The following ZNF385D variants were observed in gnomAD, a reference collection of about 807,000 sequenced individuals.
ZNF385D encodes the protein zinc finger protein 659.
In ZNF385D, 15 loss-of-function variants were observed where a neutral mutation model predicts 35.8. The ratio of observed to expected loss-of-function variants is 0.42; its 90% CI spans 0.28 to 0.64. ZNF385D has a LOEUF of 0.64. ZNF385D is among the 30% of genes least tolerant of loss of function. The pLI, the probability that ZNF385D is intolerant of heterozygous loss-of-function variation, is 0.23. For synonymous variants in ZNF385D, 212 were observed against 186.8 expected, an observed-to-expected ratio of 1.13 and a Z score of -1.10; for missense variants, 474 against 494.6, an observed-to-expected ratio of 0.96 and a Z score of 0.39.
intron 2 of ZNF385D, among the ~76,000 whole-genome samples, chr3:21,661,145 T>G (rs1051444618): frequency 4.6e-5 from 7 of 152,180 alleles, no homozygotes; most frequent in Admixed American, 2.6e-4. Context: ...TTCTCTGACC[T>G]GTTTGTCGAA....
At chr3:22,316,830 A>G (rs1703914287) in intron 2 of ZNF385D, among the ~76,000 whole-genome samples, 1 of 152,218 alleles carries the variant, frequency 6.6e-6, no homozygotes, top group African/African-American at 2.4e-5. Flanking sequence ...GTGATACCCC[A>G]AAGACTGGCA....
intron 1 of ZNF385D, among the ~76,000 whole-genome samples, chr3:21,727,758 A>C (rs921474271): frequency 6.6e-6 from 1 of 152,206 alleles, no homozygotes; most frequent in Middle Eastern, 3.2e-3. Context: ...CAGTGTGACA[A>C]TTCCTCAAGG....
chr3:22,372,641 C>G, exon 2 of ZNF385D: 1 of 347,542 alleles, frequency 2.9e-6, no homozygotes. Flanking sequence ...TCGCCGCGAG[C>G]CGTGAGCGGC....
intron 3 of ZNF385D, among the ~76,000 whole-genome samples, chr3:22,141,614 G>C (rs1704507957): frequency 6.6e-6 from 1 of 152,116 alleles, no homozygotes; most frequent in African/African-American, 2.4e-5. Context: ...CTGGCCTGCT[G>C]TTCACCTTGT....
intron 4 of ZNF385D, among the ~76,000 whole-genome samples, chr3:21,462,983 C>T (rs1190765407): frequency 6.6e-6 from 1 of 151,722 alleles, no homozygotes; most frequent in Non-Finnish European, 1.5e-5. Context: ...AACTCTATCT[C>T]AAAAACAAAC....
chr3:22,105,494 G>T (rs570466100), intron 3 of ZNF385D, among the ~76,000 whole-genome samples: 235 of 152,230 alleles, frequency 1.5e-3, no homozygotes, highest in African/African-American at 5.3e-3. Flanking sequence ...CACAATTACG[G>T]AGGCTGAGAA....
intron 3 of ZNF385D, among the ~76,000 whole-genome samples, chr3:21,909,292 C>G (rs975457008): frequency 5.3e-5 from 8 of 152,128 alleles, no homozygotes; most frequent in Non-Finnish European, 1.2e-4. Flanking sequence ...TTCCTCCTGC[C>G]CCTTTTCTCT....
intron 3 of ZNF385D, among the ~76,000 whole-genome samples, chr3:21,901,699 A>G (rs17641808): frequency 0.073 from 11,186 of 152,262 alleles, 444 homozygotes; most frequent in Middle Eastern, 0.085. Context: ...ATTTAGCACC[A>G]AAGCTTACGT....
chr3:21,631,121 C>T (rs13064912), intron 2 of ZNF385D, among the ~76,000 whole-genome samples: 8 of 151,914 alleles, frequency 5.3e-5, no homozygotes, highest in African/African-American at 1.5e-4. Flanking sequence ...TTGTGGGGAA[C>T]GTGAGGTATA....
chr3:21,783,767 G>C (rs909303462), intron 3 of ZNF385D, among the ~76,000 whole-genome samples: 1 of 152,148 alleles, frequency 6.6e-6, no homozygotes, highest in African/African-American at 2.4e-5. Flanking sequence ...AAATAAAATA[G>C]CAGCTTCAGG....
chr3:22,017,156 G>A (rs9816104), intron 3 of ZNF385D, among the ~76,000 whole-genome samples: 1 of 151,824 alleles, frequency 6.6e-6, no homozygotes, highest in South Asian at 2.1e-4. Context: ...ATGGTTATGA[G>A]AGCCTTAAAT....
intron 3 of ZNF385D, among the ~76,000 whole-genome samples, chr3:22,166,136 A>C (rs1420427628): frequency 6.6e-6 from 1 of 152,130 alleles, no homozygotes; most frequent in Non-Finnish European, 1.5e-5. Flanking sequence ...AATATGACCT[A>C]AGATGACCAA....
At chr3:21,788,032 T>C (rs1033439446) in intron 3 of ZNF385D, among the ~76,000 whole-genome samples, 1 of 146,060 alleles carries the variant, frequency 6.8e-6, no homozygotes, top group Non-Finnish European at 1.5e-5. Context: ...GAAATTAATA[T>C]TGTGCCCATT....
intron 2 of ZNF385D, among the ~76,000 whole-genome samples, chr3:21,654,843 T>C (rs1278465557): frequency 2.6e-5 from 4 of 152,064 alleles, no homozygotes; most frequent in Admixed American, 6.6e-5. Context: ...TACCACACTT[T>C]GAGAAGTACT....
intron 3 of ZNF385D, among the ~76,000 whole-genome samples, chr3:22,033,239 T>C (rs1456279563): frequency 1.3e-5 from 2 of 151,650 alleles, no homozygotes; most frequent in Non-Finnish European, 2.9e-5. Context: ...CTGTCTCTAC[T>C]AAAAATACAA....
At position 22,032,396 on chromosome 3, in the gene ZNF385D, T is replaced by C. The variant is rs113933745; in HGVS notation, c.325+136421A>G. Among the ~76,000 whole-genome samples the C allele has an allele frequency of 5.6e-3, 847 of 152,284 alleles. 5 individuals carry two copies. The highest frequency in any genetic ancestry group is 7.1e-3 in the Non-Finnish European group (484 of 68,016). On this transcript the variant is annotated intron_variant, in intron 3 of 5. Transcript: ENST00000494108. ...AGAGCACATGTAGAGGAAACTGTCATTTTACAAACTATCGGATCTCATGAG... is the reference window on the plus strand; with the variant it reads ...AGAGCACATGTAGAGGAAACTGTCACTTTACAAACTATCGGATCTCATGAG...
intron 3 of ZNF385D, among the ~76,000 whole-genome samples, chr3:22,103,330 A>C (rs1374864683): frequency 6.6e-6 from 1 of 152,002 alleles, no homozygotes; most frequent in Non-Finnish European, 1.5e-5. Context: ...CCTGAAACAC[A>C]GTAATTTTTC....
chr3:21,870,210 C>T (rs1697612572), intron 3 of ZNF385D, among the ~76,000 whole-genome samples: 1 of 152,148 alleles, frequency 6.6e-6, no homozygotes, highest in African/African-American at 2.4e-5. Flanking sequence ...TCATAATTGT[C>T]AACAAGCATG....
chr3:22,319,202 C>T (rs894280588), intron 2 of ZNF385D, among the ~76,000 whole-genome samples: 2 of 152,086 alleles, frequency 1.3e-5, no homozygotes, highest in African/African-American at 4.8e-5. Flanking sequence ...TCAACCAAGT[C>T]TTTCTTATGT....
Sources: gnomAD v4.1 joint callset for allele counts (sites outside exome capture counted in the v4.1 genomes callset) on GRCh38, gnomAD v4.1.1 for gene constraint, MANE v1.5 for transcripts, NCBI Gene and HGNC (gene_info 2026-07-23, HGNC 2026-07-21) for gene names.